The following KIF6 variants were observed in gnomAD, a reference collection of about 807,000 sequenced individuals.
KIF6 encodes the protein kinesin-like protein KIF6.
KIF6 carries 106 observed loss-of-function variants against 112.7 expected under a neutral mutation model. That is an observed-to-expected ratio of 0.94 (90% CI 0.80 to 1.11). KIF6 has a LOEUF of 1.11. Ranked by LOEUF, KIF6 falls within the 50% of genes least tolerant of loss-of-function variation. KIF6 has a pLI of 0.00. For synonymous variants in KIF6, 339 were observed against 339.9 expected, an observed-to-expected ratio of 1.00 and a Z score of 0.03; for missense variants, 929 against 964.0, an observed-to-expected ratio of 0.96 and a Z score of 0.48.
Position 39,527,327 on chromosome 6 carries a change from T to TCC in KIF6, c.1645+12674_1645+12675dup, listed in dbSNP as rs1266763124. Among the ~76,000 whole-genome samples, 7 of 152,182 alleles carry TCC rather than the reference T, an allele frequency of 4.6e-5. No homozygotes were observed. The East Asian group carries it at 1.4e-3, about 29-fold the overall frequency. On this transcript the variant is annotated intron_variant, in intron 13 of 22. Transcript: ENST00000287152. Reference sequence around the variant, plus strand: ...TGCGGTGGGCTCCCTCCCCTCTATCTCCCTATGTTCCTCTCCTCTTCTTTG... The same window carrying TCC: ...TGCGGTGGGCTCCCTCCCCTCTATCTCCCCCTATGTTCCTCTCCTCTTCTTTG...
chr6:39,535,721 C>A (rs1582076143), intron 13 of KIF6, among the ~76,000 whole-genome samples: 2 of 152,196 alleles, frequency 1.3e-5, no homozygotes, highest in East Asian at 3.8e-4. Flanking sequence ...ACCTAATAGA[C>A]ATCTACAGAA....
intron 10 of KIF6, among the ~76,000 whole-genome samples, chr6:39,562,490 G>A (rs983071026): frequency 1.3e-5 from 2 of 152,060 alleles, no homozygotes; most frequent in African/African-American, 2.4e-5. Flanking sequence ...ACCGAACCAC[G>A]CACACCAATT....
intron 13 of KIF6, among the ~76,000 whole-genome samples, chr6:39,444,489 C>A (rs1213346975): frequency 6.6e-6 from 1 of 152,018 alleles, no homozygotes; most frequent in Non-Finnish European, 1.5e-5. Flanking sequence ...GGTGAAAAGA[C>A]CTTCTGTTAA....
At chr6:39,669,387 T>C (rs1293250355) in intron 3 of KIF6, among the ~76,000 whole-genome samples, 1 of 152,184 alleles carries the variant, frequency 6.6e-6, no homozygotes, top group Non-Finnish European at 1.5e-5. Flanking sequence ...AGCACACACA[T>C]ATGGATTTAT....
At chr6:39,660,439 TG>T (rs1431548985) in intron 3 of KIF6, among the ~76,000 whole-genome samples, 1 of 152,164 alleles carries the variant, frequency 6.6e-6, no homozygotes. Flanking sequence ...TAACTACCTA[TG>T]GGGGTATAAG....
At chr6:39,697,964 A>ACCTTAGC (rs1788653082) in intron 3 of KIF6, among the ~76,000 whole-genome samples, 1 of 152,138 alleles carries the variant, frequency 6.6e-6, no homozygotes, top group Non-Finnish European at 1.5e-5. Context: ...TCTCCTTAGC[A>ACCTTAGC]CCTTACATTG....
At chr6:39,699,888 C>T (rs1788774532) in intron 3 of KIF6, among the ~76,000 whole-genome samples, 1 of 152,250 alleles carries the variant, frequency 6.6e-6, no homozygotes, top group African/African-American at 2.4e-5. Flanking sequence ...TTTATTTGAT[C>T]ATTGAAGTTT....
intron 3 of KIF6, among the ~76,000 whole-genome samples, chr6:39,668,428 C>T (rs1786610901): frequency 6.6e-6 from 1 of 152,262 alleles, no homozygotes; most frequent in African/African-American, 2.4e-5. Flanking sequence ...ACAAACTAAA[C>T]TATTTAGAAC....
At position 39,578,014 on chromosome 6, in the gene KIF6, T is replaced by G. The variant is rs754758782; in HGVS notation, c.1181+42A>C. The G allele has an allele frequency of 6.0e-6, 8 of 1,334,500 alleles. No homozygotes were observed. In the African/African-American group the frequency reaches 1.0e-4, roughly 17 times the overall value. The allele number at this position is 1,334,500 out of a possible 1,614,324, so 82.7% of individuals were successfully genotyped here. Reference sequence around the variant, plus strand: ...GGCCAACAAAGAAGTTAACACAAACTTTCACTGTTAAAGAAAAAGAAAAAA... The same window carrying G: ...GGCCAACAAAGAAGTTAACACAAACGTTCACTGTTAAAGAAAAAGAAAAAA... On this transcript the variant is annotated intron_variant, in intron 10 of 22. Coordinates refer to ENST00000287152, the MANE Select transcript of KIF6 (RefSeq NM_145027.6).
intron 3 of KIF6, among the ~76,000 whole-genome samples, chr6:39,681,928 A>G (rs1787543180): frequency 6.6e-6 from 1 of 151,386 alleles, no homozygotes; most frequent in Admixed American, 6.6e-5. Context: ...GGGTATGTAG[A>G]GTTTGGAAAA....
chr6:39,497,353 T>C (rs999239566), intron 13 of KIF6, among the ~76,000 whole-genome samples: 1 of 152,206 alleles, frequency 6.6e-6, no homozygotes, highest in African/African-American at 2.4e-5. Flanking sequence ...GAGAAGTCAA[T>C]GCTGTTTAAG....
At chr6:39,716,332 C>T (rs1239144641) in intron 2 of KIF6, among the ~76,000 whole-genome samples, 1 of 151,058 alleles carries the variant, frequency 6.6e-6, no homozygotes, top group East Asian at 1.9e-4. Flanking sequence ...ATGACATCCT[C>T]CACTATTTAA....
chr6:39,396,246 T>C (rs1051935280), intron 15 of KIF6, among the ~76,000 whole-genome samples: 1 of 152,248 alleles, frequency 6.6e-6, no homozygotes, highest in African/African-American at 2.4e-5. Context: ...AAGTCATTGT[T>C]AGATGTTGCA....
intron 15 of KIF6, among the ~76,000 whole-genome samples, chr6:39,417,213 G>GC (rs1350676542): frequency 6.6e-6 from 1 of 152,124 alleles, no homozygotes; most frequent in Non-Finnish European, 1.5e-5. Context: ...TGTCGTGATG[G>GC]CAGGCTACTC....
intron 6 of KIF6, among the ~76,000 whole-genome samples, chr6:39,610,546 C>T (rs1003175494): frequency 3.3e-5 from 5 of 152,134 alleles, no homozygotes; most frequent in Non-Finnish European, 4.4e-5. Context: ...CTGGTAAGAT[C>T]GTTCTGTGCT....
intron 3 of KIF6, among the ~76,000 whole-genome samples, chr6:39,641,758 TA>T (rs1476743617): frequency 3.9e-5 from 6 of 152,156 alleles, no homozygotes; most frequent in Non-Finnish European, 8.8e-5. Flanking sequence ...GAGTAGGTAG[TA>T]CACTACGTTG....
chr6:39,686,262 T>C (rs905476386), intron 3 of KIF6, among the ~76,000 whole-genome samples: 1 of 152,214 alleles, frequency 6.6e-6, no homozygotes, highest in Non-Finnish European at 1.5e-5. Context: ...ACTACCACAT[T>C]GATCTTTTTT....
chr6:39,393,454 A>G (rs1178075616), intron 15 of KIF6, among the ~76,000 whole-genome samples: 1 of 152,236 alleles, frequency 6.6e-6, no homozygotes, highest in Admixed American at 6.5e-5. Flanking sequence ...GTGCTTAAGG[A>G]GTTCCTGACA....
chr6:39,634,785 GAA>G, intron 5 of KIF6, 62 bp downstream of exon 5: 2 of 959,430 alleles, frequency 2.1e-6, no homozygotes, highest in East Asian at 2.4e-5. Flanking sequence ...AAGTTTCAAA[GAA>G]AACAATTGAA....
Sources: gnomAD v4.1 joint callset for allele counts (sites outside exome capture counted in the v4.1 genomes callset) on GRCh38, gnomAD v4.1.1 for gene constraint, MANE v1.5 for transcripts, NCBI Gene and HGNC (gene_info 2026-07-23, HGNC 2026-07-21) for gene names.